DCP1A: variants seen among roughly 807,000 people sequenced by gnomAD.
DCP1A encodes mRNA-decapping enzyme 1A.
DCP1A carries 20 observed loss-of-function variants against 58.0 expected under a neutral mutation model. That is an observed-to-expected ratio of 0.34 (90% CI 0.24 to 0.50). The LOEUF (loss-of-function observed/expected upper bound fraction) is 0.50, where lower values mean the gene tolerates loss of function less well. DCP1A is among the 20% of genes least tolerant of loss of function. The pLI is 0.98. For missense variants in DCP1A, 613 were observed against 712.2 expected (o/e 0.86, Z 1.59); for synonymous variants, 285 against 275.1 (o/e 1.04, Z -0.36).
chr3:53,290,370 C>T (rs1370859713), intron 8 of DCP1A, among the ~76,000 whole-genome samples: 3 of 152,134 alleles, frequency 2.0e-5, no homozygotes, highest in Non-Finnish European at 4.4e-5. Flanking sequence ...CTACCACACT[C>T]TTAGCAGTCA....
intron 3 of DCP1A, chr3:53,329,110 A>C (rs1708188010): frequency 5.4e-6 from 2 of 368,556 alleles, no homozygotes; most frequent in South Asian, 1.5e-4. Context: ...TTGTAAACTT[A>C]TCTTGTAAGG....
intron 3 of DCP1A, among the ~76,000 whole-genome samples, chr3:53,327,443 G>A (rs1476412465): frequency 6.6e-6 from 1 of 152,140 alleles, no homozygotes. Flanking sequence ...ATAAAATATG[G>A]TAATTTTTAA....
chr3:53,298,291 A>C (rs986889734), intron 6 of DCP1A, among the ~76,000 whole-genome samples: 5 of 152,206 alleles, frequency 3.3e-5, no homozygotes, highest in African/African-American at 1.2e-4. Context: ...CTGACTTTAA[A>C]AGCAGCAGAA....
At chr3:53,345,968 C>A (rs2089286856) in intron 1 of DCP1A, among the ~76,000 whole-genome samples, 1 of 152,088 alleles carries the variant, frequency 6.6e-6, no homozygotes, top group African/African-American at 2.4e-5. Flanking sequence ...GTGCCAGGAT[C>A]CAAATAAACA....
intron 3 of DCP1A, among the ~76,000 whole-genome samples, chr3:53,323,795 G>A (rs1708037645): frequency 6.7e-6 from 1 of 150,028 alleles, no homozygotes; most frequent in Non-Finnish European, 1.5e-5. Context: ...CCGGGAGGCA[G>A]AGGTTGCAGT....
rs550814775 is a variant in DCP1A, at chr3:53,312,253, A to T, written c.498T>A (p.Asp166Glu). 2 of 1,606,406 alleles carry T rather than the reference A, an allele frequency of 1.2e-6. No homozygotes were observed. Among genetic ancestry groups the T allele is most frequent in the Non-Finnish European group, 1.7e-6 (2 of 1,176,684 alleles). Residue 166 changes from aspartate to glutamate, a missense_variant, in exon 5 of 10, where the codon GAT becomes GAA. By Grantham distance (45) the Asp-to-Glu change is conservative (BLOSUM62 2). Transcript: ENST00000610213. ...CAGAGAGCCTCACCCTCTCATACTC[A>T]TCCTTGGCTCTGCTCAGCATCTCCA... ...DILEMLSRAK[D>E]EYERNQMGDS...
At chr3:53,326,593 A>G (rs1708108697) in intron 3 of DCP1A, among the ~76,000 whole-genome samples, 2 of 152,162 alleles carry the variant, frequency 1.3e-5, no homozygotes, top group Non-Finnish European at 2.9e-5. Flanking sequence ...GTGGCAATAG[A>G]TTCTCATAGG....
chr3:53,305,602 G>A (rs112659210), intron 5 of DCP1A, among the ~76,000 whole-genome samples: 6,626 of 152,070 alleles, frequency 0.044, 477 homozygotes, highest in African/African-American at 0.15. Flanking sequence ...CACCCTCCTC[G>A]GCCTCCCAAA....
At chr3:53,315,395 G>A (rs1553689127) in intron 4 of DCP1A, among the ~76,000 whole-genome samples, 1 of 151,862 alleles carries the variant, frequency 6.6e-6, no homozygotes, top group Non-Finnish European at 1.5e-5. Context: ...AAAATTAGCT[G>A]GGTGCAGTGG....
intron 3 of DCP1A, among the ~76,000 whole-genome samples, chr3:53,322,135 T>C: frequency 6.6e-6 from 1 of 152,130 alleles, no homozygotes; most frequent in East Asian, 1.9e-4. Context: ...CACAAAAGAC[T>C]TCATGGCAAA....
chr3:53,330,589 G>A lies in DCP1A; in HGVS notation c.305-11116C>T, dbSNP rs949524955. ...GAGTTTTGACATAGAAAGTTCTAAC[G>A]CAGTTTAGTAACTTCAGCTTATAAT... On this transcript the variant is annotated intron_variant, in intron 3 of 9. Transcript: ENST00000610213. 1.3e-4 allele frequency among the ~76,000 whole-genome samples: 19 copies of A among 150,672 alleles called. No individual in the cohort carries two copies. The East Asian group carries it at 1.7e-3, about 14-fold the overall frequency.
At chr3:53,305,228 T>C (rs1707432647) in intron 5 of DCP1A, among the ~76,000 whole-genome samples, 2 of 152,242 alleles carry the variant, frequency 1.3e-5, no homozygotes, top group Non-Finnish European at 2.9e-5. Context: ...TTACATTATA[T>C]AAATACGTGA....
chr3:53,319,358 T>G (rs1553689628), intron 4 of DCP1A, 49 bp downstream of exon 4: 1 of 1,195,818 alleles, frequency 8.4e-7, no homozygotes, highest in Non-Finnish European at 1.2e-6. Context: ...GGGGATTATT[T>G]TTCATTTCTC....
chr3:53,293,916 C>T (rs1469325552), intron 6 of DCP1A, among the ~76,000 whole-genome samples: 1 of 151,658 alleles, frequency 6.6e-6, no homozygotes, highest in Non-Finnish European at 1.5e-5. Flanking sequence ...CTGGTAAGGG[C>T]CCCCCCACCG....
chr3:53,312,394 C>T lies in DCP1A; in HGVS notation c.372-15G>A. On this transcript the variant is annotated splice_polypyrimidine_tract_variant and intron_variant, in intron 4 of 9. Transcript: ENST00000610213. The stretch of plus-strand genomic sequence containing the variant: ...CTTCTACCACACTAGAGGAGAAGAA[C>T]AAGGTTTTAGAAAGGCCTCTTGAAA... The T allele has an allele frequency of 6.4e-7, 1 of 1,558,636 alleles. No individual in the cohort carries two copies. The highest frequency in any genetic ancestry group is 8.7e-7 in the Non-Finnish European group (1 of 1,154,832).
chr3:53,325,326 G>A (rs1209486718), intron 3 of DCP1A, among the ~76,000 whole-genome samples: 24 of 152,264 alleles, frequency 1.6e-4, no homozygotes, highest in Non-Finnish European at 1.6e-4. Flanking sequence ...TTGTCTTTGT[G>A]ATTCATTTAT....
chr3:53,316,325 G>A (rs1264615307), intron 4 of DCP1A, among the ~76,000 whole-genome samples: 1 of 152,182 alleles, frequency 6.6e-6, no homozygotes, highest in African/African-American at 2.4e-5. Flanking sequence ...GGTGACCAGA[G>A]AGGCATTTAT....
chr3:53,287,841 G>C (rs1380616107), intron 9 of DCP1A, among the ~76,000 whole-genome samples, 181 bp from the exon 10 acceptor site: 1 of 151,442 alleles, frequency 6.6e-6, no homozygotes, highest in Non-Finnish European at 1.5e-5. Context: ...CACCAGGACT[G>C]TATGCTTAAA....
rs868979106 is a variant in DCP1A, at chr3:53,302,629, C to T, written c.624+1548G>A. 9.9e-5 allele frequency among the ~76,000 whole-genome samples: 15 copies of T among 152,224 alleles called. No individual in the cohort carries two copies. The East Asian group carries it at 2.7e-3, about 27-fold the overall frequency. Reference sequence around the variant, plus strand: ...AGGGTTGTTTTATTTTATTTATTTACTTATTTATTTTGAGCCAGAGCCTTG... The same window carrying T: ...AGGGTTGTTTTATTTTATTTATTTATTTATTTATTTTGAGCCAGAGCCTTG... On this transcript the variant is annotated intron_variant, in intron 6 of 9. Coordinates refer to ENST00000610213, the MANE Select transcript of DCP1A (RefSeq NM_018403.7).
Sources: allele counts gnomAD v4.1 joint callset (sites outside exome capture counted in the v4.1 genomes callset), GRCh38; gene constraint gnomAD v4.1.1; transcripts MANE v1.5; gene names NCBI Gene and HGNC (gene_info 2026-07-23, HGNC 2026-07-21).